Variants in DENND2B observed in about 807,000 individuals in gnomAD.
DENND2B encodes the protein DENN domain-containing protein 2B.
Under a neutral mutation model 116.0 loss-of-function variants are expected in DENND2B, and 32 were observed. The observed-to-expected ratio is 0.28, with a 90% CI of 0.21 to 0.37. The LOEUF (loss-of-function observed/expected upper bound fraction) is 0.37. Ranked by LOEUF, DENND2B falls within the 10% of genes least tolerant of loss-of-function variation. The pLI is 1.00. For synonymous variants in DENND2B, 588 were observed against 583.9 expected, an observed-to-expected ratio of 1.01 and a Z score of -0.10; for missense variants, 1,276 against 1,477.7, an observed-to-expected ratio of 0.86 and a Z score of 2.24.
At chr11:8,725,381 T>C (rs926614604) in intron 4 of DENND2B, among the ~76,000 whole-genome samples, 6 of 151,904 alleles carry the variant, frequency 3.9e-5, no homozygotes, top group African/African-American at 1.4e-4. Context: ...ATTACTTTTT[T>C]TTTTTTTTTT....
At chr11:8,718,189 C>A (rs1295549285) in intron 4 of DENND2B, 3 of 692,000 alleles carry the variant, frequency 4.3e-6, no homozygotes, top group South Asian at 3.0e-5. Context: ...GGCTCAGCCA[C>A]CCCTGCCTGT....
intron 2 of DENND2B, among the ~76,000 whole-genome samples, chr11:8,745,234 T>A (rs1440951167): frequency 6.6e-6 from 1 of 152,140 alleles, no homozygotes; most frequent in Non-Finnish European, 1.5e-5. Flanking sequence ...TTTGTACTTT[T>A]TGTAGAGATG....
At chr11:8,827,690 G>C (rs147577250) in intron 4 of DENND2B, among the ~76,000 whole-genome samples, 236 of 152,286 alleles carry the variant, frequency 1.5e-3, no homozygotes, top group African/African-American at 5.2e-3. Flanking sequence ...GTTGGGATTT[G>C]GGGGCTTGAA....
At chr11:8,708,556 T>C (rs1383333303) in intron 11 of DENND2B, among the ~76,000 whole-genome samples, 1 of 152,170 alleles carries the variant, frequency 6.6e-6, no homozygotes, top group African/African-American at 2.4e-5. Context: ...TTTGGCTGTC[T>C]TACCCCTAAA....
intron 3 of DENND2B, among the ~76,000 whole-genome samples, chr11:8,729,304 G>A (rs929501788): frequency 4.6e-5 from 7 of 152,180 alleles, no homozygotes; most frequent in African/African-American, 1.4e-4. Context: ...CGGGGAGACA[G>A]CCCTTGGTAA....
intron 4 of DENND2B, 59 bp from the exon 5 acceptor site, chr11:8,717,951 A>G (rs931555590): frequency 5.6e-5 from 87 of 1,548,464 alleles, no homozygotes; most frequent in Non-Finnish European, 7.6e-5. Flanking sequence ...ACACGAACTC[A>G]CACACACACA....
At chr11:8,740,435 G>A (rs1293569510) in intron 2 of DENND2B, among the ~76,000 whole-genome samples, 3 of 152,112 alleles carry the variant, frequency 2.0e-5, no homozygotes, top group East Asian at 1.9e-4. Context: ...CAGGTGCCCC[G>A]AGGAACTTTT....
At chr11:8,774,485 G>A (rs1169154912) in intron 1 of DENND2B, among the ~76,000 whole-genome samples, 1 of 152,170 alleles carries the variant, frequency 6.6e-6, no homozygotes, top group African/African-American at 2.4e-5. Flanking sequence ...GAAGCTGACA[G>A]AGTTGCGCTT....
At chr11:8,763,490 T>C (rs371780230) in intron 1 of DENND2B, among the ~76,000 whole-genome samples, 2 of 151,818 alleles carry the variant, frequency 1.3e-5, no homozygotes, top group Admixed American at 6.6e-5. Context: ...ATTCAAATGC[T>C]CATAATCAGA....
At chr11:8,803,180 T>C (rs1424362444) in intron 1 of DENND2B, among the ~76,000 whole-genome samples, 1 of 150,706 alleles carries the variant, frequency 6.6e-6, no homozygotes, top group African/African-American at 2.4e-5. Context: ...AGGGCAGGAG[T>C]TGGCCACCAG....
chr11:8,889,832 C>T (rs2064006460), intron 1 of DENND2B, among the ~76,000 whole-genome samples: 1 of 152,218 alleles, frequency 6.6e-6, no homozygotes, highest in African/African-American at 2.4e-5. Flanking sequence ...CATAGCCAAA[C>T]AAAAGGCAGC....
At chr11:8,801,995 GAA>G (rs35017643) in intron 1 of DENND2B, among the ~76,000 whole-genome samples, 60 of 58,872 alleles carry the variant, frequency 1.0e-3, no homozygotes, top group Admixed American at 1.2e-3. Flanking sequence ...CTCTCTTGGG[GAA>G]AAAAAAAAAA....
chr11:8,840,316 A>C (rs2062582485), intron 3 of DENND2B, among the ~76,000 whole-genome samples: 1 of 152,112 alleles, frequency 6.6e-6, no homozygotes, highest in Admixed American at 6.5e-5. Flanking sequence ...ATTCACCAAA[A>C]TTCCAGGGCA....
chr11:8,863,869 T>C (rs2063490423), intron 2 of DENND2B, among the ~76,000 whole-genome samples: 1 of 152,120 alleles, frequency 6.6e-6, no homozygotes, highest in South Asian at 2.1e-4. Flanking sequence ...TCCATTCCCC[T>C]GGGACTTGGA....
chr11:8,804,628 TCC>T (rs2060674440), intron 1 of DENND2B, among the ~76,000 whole-genome samples: 2 of 142,888 alleles, frequency 1.4e-5, no homozygotes, highest in African/African-American at 5.2e-5. Flanking sequence ...CACTGCAACC[TCC>T]GCCTCCCAGG....
chr11:8,797,028 T>G (rs1310619093), intron 1 of DENND2B, among the ~76,000 whole-genome samples: 1 of 152,182 alleles, frequency 6.6e-6, no homozygotes, highest in African/African-American at 2.4e-5. Flanking sequence ...AAAAACTCAT[T>G]AGATGTTCTA....
intron 2 of DENND2B, among the ~76,000 whole-genome samples, chr11:8,865,998 C>T (rs2063563508): frequency 6.6e-6 from 1 of 151,790 alleles, no homozygotes; most frequent in Non-Finnish European, 1.5e-5. Flanking sequence ...CTCGCTCTGT[C>T]GCCCAGGCTG....
At position 8,746,762 on chromosome 11, in the gene DENND2B, C is replaced by T. The variant is rs375879256; in HGVS notation, c.80+3859G>A. On this transcript the variant is annotated intron_variant, in intron 2 of 19. Coordinates refer to ENST00000313726, the MANE Select transcript of DENND2B (RefSeq NM_213618.2). ...GCCCTGCAAACCAGGCTAAGTTTGA[C>T]TTTATCATGGATAGCAGTACTTTGG... Among the ~76,000 whole-genome samples the T allele has an allele frequency of 1.3e-3, 202 of 152,274 alleles. 1 individual carries two copies. Among genetic ancestry groups the T allele is most frequent in the South Asian group, 8.9e-3 (43 of 4,818 alleles).
At chr11:8,714,325 T>C (rs987207599) in intron 7 of DENND2B, among the ~76,000 whole-genome samples, 2 of 152,264 alleles carry the variant, frequency 1.3e-5, no homozygotes, top group Admixed American at 6.5e-5. Context: ...AGATGGACCC[T>C]GCCTCCAGGA....
Sources: gnomAD v4.1 joint callset for allele counts (sites outside exome capture counted in the v4.1 genomes callset) on GRCh38, gnomAD v4.1.1 for gene constraint, MANE v1.5 for transcripts, NCBI Gene and HGNC (gene_info 2026-07-23, HGNC 2026-07-21) for gene names.